The following BECN1 variants were observed in gnomAD, a reference collection of about 807,000 sequenced individuals.
BECN1 encodes the protein beclin 1.
BECN1 carries 15 observed loss-of-function variants against 60.1 expected under a neutral mutation model. That is an observed-to-expected ratio of 0.25 (90% confidence interval 0.17 to 0.38). The LOEUF is 0.38. Ranked by LOEUF, BECN1 falls within the 10% of genes least tolerant of loss-of-function variation. The pLI, the probability that BECN1 is intolerant of heterozygous loss-of-function variation, is 1.00. For missense variants in BECN1, 424 were observed against 548.2 expected (o/e 0.77, Z 2.26); for synonymous variants, 179 against 201.8 (o/e 0.89, Z 0.96).
intron 8 of BECN1, chr17:42,815,607 C>A: frequency 2.4e-6 from 1 of 410,358 alleles, no homozygotes; most frequent in Non-Finnish European, 4.4e-6. Flanking sequence ...AGACACTCAA[C>A]AGTTATTAAA....
intron 8 of BECN1, 90 bp downstream of exon 8, chr17:42,815,818 C>G (rs1162642584): frequency 2.0e-6 from 3 of 1,538,188 alleles, no homozygotes; most frequent in Non-Finnish European, 2.7e-6. Flanking sequence ...CCTACAGTCC[C>G]TCTTTTGTGG....
chr17:42,814,791 G>C (rs574111324), intron 8 of BECN1, 118 bp from the exon 9 acceptor site: 29 of 1,289,386 alleles, frequency 2.2e-5, no homozygotes, highest in African/African-American at 3.0e-5. Context: ...TATGCAAGCT[G>C]TACTTGGCAC....
At chr17:42,817,021 A>T (rs2055161121) in intron 7 of BECN1, among the ~76,000 whole-genome samples, 1 of 150,214 alleles carries the variant, frequency 6.7e-6, no homozygotes, top group African/African-American at 2.5e-5. Context: ...CCAGCTGGCC[A>T]TGGTGGCTTA....
In BECN1 at chr17:42,810,370, C is replaced by T. The variant is rs1475469593; in HGVS notation, c.*390G>A. On this transcript the variant is annotated 3_prime_UTR_variant, in exon 12 of 12. Coordinates refer to ENST00000590099, the MANE Select transcript of BECN1 (RefSeq NM_001313998.2). ...CTGTGCATCTCAAACATATCCTCAT[C>T]TCAGTAAAGACAAAAGTTTCTATTT... 6.4e-6 allele frequency: 1 copy of T among 155,498 alleles called. No homozygotes were observed. The highest frequency in any genetic ancestry group is 1.4e-5 in the Non-Finnish European group (1 of 70,062). 9.6% of individuals were successfully genotyped at this position (155,498 alleles called of 1,614,324 possible).
At chr17:42,819,135 A>G in intron 4 of BECN1, 1 of 520,884 alleles carries the variant, frequency 1.9e-6, no homozygotes, top group South Asian at 3.1e-5. Flanking sequence ...TCATATGTCT[A>G]CAGTGGAAAA....
At chr17:42,815,298 C>T (rs559246311) in intron 8 of BECN1, among the ~76,000 whole-genome samples, 11 of 151,976 alleles carry the variant, frequency 7.2e-5, no homozygotes, top group African/African-American at 2.7e-4. Context: ...TCCCTCTTTC[C>T]CATTTCTTTG....
Position 42,818,206 on chromosome 17 carries a change from AGG to A in BECN1, c.683+13_683+14del, listed in dbSNP as rs769479182. 3.1e-6 allele frequency: 5 copies of A among 1,612,130 alleles called. No homozygotes were observed. The highest frequency in any genetic ancestry group is 2.5e-6 in the Non-Finnish European group (3 of 1,178,874). ...AGCCTCGAGTGTGAGAAGATAGAAC[AGG>A]GTGAGCACTCACTGAGCTTCCTCCT... On this transcript the variant is annotated intron_variant, in intron 7 of 11. Transcript: ENST00000590099.
chr17:42,820,034 C>T (rs1339928222), intron 3 of BECN1, among the ~76,000 whole-genome samples: 8 of 152,134 alleles, frequency 5.3e-5, no homozygotes, highest in Non-Finnish European at 1.2e-4. Flanking sequence ...TCATATGTGA[C>T]CAAAATCTCA....
In BECN1 at chr17:42,823,856, T is replaced by C. The variant is rs1329783476; in HGVS notation, c.22A>G (p.Asn8Asp). The change falls in exon 2 of 12, where the codon AAC (asparagine) becomes GAC (aspartate). Residue 8 changes from asparagine (N) to aspartate (D), a missense_variant. By Grantham distance (23) the Asn-to-Asp change is conservative. This residue lies in a region of BECN1 where 96 missense variants were observed against 125.6 expected (regional missense o/e 0.76). Transcript: ENST00000590099. MEGSKTSNNSTMQVSFVC... is the reference protein window; with the variant it reads MEGSKTSDNSTMQVSFVC... ...AAGCTCACCTGCATGGTGCTGTTGT[T>C]GGACGTCTTAGACCCTTCCATCCCT... The C allele has an allele frequency of 6.2e-7, 1 of 1,614,142 alleles. No homozygotes were observed. The highest frequency in any genetic ancestry group is 1.7e-5 in the Admixed American group (1 of 60,014).
At chr17:42,815,883 C>T (rs1342380587) in intron 8 of BECN1, 25 bp downstream of exon 8, 2 of 1,614,076 alleles carry the variant, frequency 1.2e-6, no homozygotes, top group Non-Finnish European at 8.5e-7. Flanking sequence ...ATGTGCAGTG[C>T]TCCTCATCCC....
chr17:42,818,456 T>C (rs750341437), intron 6 of BECN1, 41 bp from the exon 7 acceptor site: 1 of 1,612,280 alleles, frequency 6.2e-7, no homozygotes, highest in African/African-American at 1.3e-5. Context: ...TAGAGCTCCA[T>C]TTGCCTGAGT....
At chr17:42,820,890 A>G in intron 2 of BECN1, 49 bp from the exon 3 acceptor site, 1 of 1,483,078 alleles carries the variant, frequency 6.7e-7, no homozygotes, top group Non-Finnish European at 9.3e-7. Flanking sequence ...TTAAAGCAGG[A>G]GGGCATCTGA....
At position 42,814,522 on chromosome 17, in the gene BECN1, A is replaced by G. The variant is rs1234463629; in HGVS notation, c.980+2T>C. 6.2e-7 allele frequency: 1 copy of G among 1,614,004 alleles called. No individual in the cohort carries two copies. The highest frequency in any genetic ancestry group is 8.5e-7 in the Non-Finnish European group (1 of 1,180,038). Reference sequence around the variant, plus strand: ...TCCCCAAGAAAGGGCTACACTTCCTACCTCTGAAATTTCAGACCCATCTTA... The same window carrying G: ...TCCCCAAGAAAGGGCTACACTTCCTGCCTCTGAAATTTCAGACCCATCTTA... On this transcript the variant is annotated splice_donor_variant, in intron 9 of 11. Coordinates refer to ENST00000590099, the MANE Select transcript of BECN1 (RefSeq NM_001313998.2). LOFTEE classifies it high-confidence loss of function.
At chr17:42,816,305 C>A (rs995168055) in intron 7 of BECN1, among the ~76,000 whole-genome samples, 8 of 152,056 alleles carry the variant, frequency 5.3e-5, no homozygotes, top group Admixed American at 3.9e-4. Context: ...CAAACCAGGG[C>A]AAAAAACCTC....
At chr17:42,811,906 G>A in intron 10 of BECN1, 109 bp from the exon 11 acceptor site, 2 of 1,363,450 alleles carry the variant, frequency 1.5e-6, no homozygotes, top group Non-Finnish European at 2.0e-6. Context: ...TATCCCACTG[G>A]AAACTTGTAT....
chr17:42,819,520 G>A (rs1259944884), intron 4 of BECN1, 28 bp downstream of exon 4: 2 of 1,610,158 alleles, frequency 1.2e-6, no homozygotes, highest in African/African-American at 2.7e-5. Flanking sequence ...CCTTTGGCAA[G>A]GAATGGGGGC....
rs1341562565 is a variant in BECN1, at chr17:42,810,228, C to A, written c.*532G>T. The A allele has an allele frequency of 6.5e-6, 1 of 152,948 alleles. No individual in the cohort carries two copies. Among genetic ancestry groups the A allele is most frequent in the African/African-American group, 2.4e-5 (1 of 41,446 alleles). The allele number at this position is 152,948 out of a possible 1,614,324, so 9.5% of individuals were successfully genotyped here. A position where few individuals can be genotyped will look rare whatever the true frequency, so the allele number is the denominator to read the frequency against. On this transcript the variant is annotated 3_prime_UTR_variant, in exon 12 of 12. Transcript: ENST00000590099. ...CAAACACCATTTCATATCTCTAACACAGAGCAGAGTCGGCATTCAGTATAA... is the reference window on the plus strand; with the variant it reads ...CAAACACCATTTCATATCTCTAACAAAGAGCAGAGTCGGCATTCAGTATAA...
chr17:42,820,723 T>A, intron 3 of BECN1, 51 bp downstream of exon 3: 2 of 1,497,480 alleles, frequency 1.3e-6, no homozygotes, highest in Non-Finnish European at 1.8e-6. Flanking sequence ...ATATCTCTCA[T>A]TTGGAATGTT....
intron 7 of BECN1, among the ~76,000 whole-genome samples, chr17:42,816,799 C>T (rs1306902167): frequency 2.0e-5 from 3 of 149,004 alleles, no homozygotes; most frequent in Non-Finnish European, 3.0e-5. Flanking sequence ...GGTGAAATTC[C>T]GTCTCTACTA....
Sources: gnomAD v4.1 joint callset for allele counts (sites outside exome capture counted in the v4.1 genomes callset) on GRCh38, gnomAD v4.1.1 for gene constraint, gnomAD v4.1.1 regional missense constraint, MANE v1.5 for transcripts, NCBI Gene and HGNC (gene_info 2026-07-23, HGNC 2026-07-21) for gene names.